Variants in FAM124A observed in about 807,000 individuals in gnomAD.
The protein encoded by FAM124A is family with sequence similarity 124 member A.
Under a neutral mutation model 24.5 loss-of-function variants are expected in FAM124A, and 23 were observed. That is an observed-to-expected ratio of 0.94 (90% CI 0.68 to 1.33). The LOEUF is 1.33. FAM124A is among the 40% of genes most tolerant of loss of function. FAM124A has a pLI of 0.00. For synonymous variants in FAM124A, 287 were observed against 314.7 expected (o/e 0.91, Z 0.93); for missense variants, 623 against 722.8 (o/e 0.86, Z 1.58).
At chr13:51,276,670 A>C (rs1954888406) in intron 3 of FAM124A, among the ~76,000 whole-genome samples, 1 of 152,212 alleles carries the variant, frequency 6.6e-6, no homozygotes, top group Non-Finnish European at 1.5e-5. Flanking sequence ...AAACCACCCA[A>C]AGGAAAGGGA....
rs553900129 is a variant in FAM124A, at chr13:51,270,734, C to A, written c.835-9716C>A. The stretch of plus-strand genomic sequence containing the variant: ...TGTTTAGAATCTACAATGGCCATGA[C>A]GTCCATGTATTCTGAGGAAGGCTGG... On this transcript the variant is annotated intron_variant, in intron 3 of 3. Transcript: ENST00000322475. Among the ~76,000 whole-genome samples, 51 of 152,228 alleles carry A rather than the reference C, an allele frequency of 3.4e-4. 1 individual carries two copies. The highest frequency in any genetic ancestry group is 8.8e-5 in the Non-Finnish European group (6 of 68,034).
intron 2 of FAM124A, among the ~76,000 whole-genome samples, chr13:51,235,520 T>C (rs1414054926): frequency 2.0e-5 from 3 of 152,230 alleles, no homozygotes; most frequent in African/African-American, 7.2e-5. Flanking sequence ...TTAAAAATTA[T>C]ATTTTTAGGA....
At chr13:51,241,410 A>G (rs1593591278) in intron 2 of FAM124A, among the ~76,000 whole-genome samples, 1 of 152,198 alleles carries the variant, frequency 6.6e-6, no homozygotes, top group African/African-American at 2.4e-5. Context: ...AGGACAAGCT[A>G]TGTCTCCTCT....
At position 51,282,225 on chromosome 13, in the gene FAM124A, T is replaced by C. The variant is rs1258311073; in HGVS notation, c.*969T>C. 6.6e-6 allele frequency: 1 copy of C among 152,204 alleles called. No individual in the cohort carries two copies. The highest frequency in any genetic ancestry group is 1.5e-5 in the Non-Finnish European group (1 of 68,042). 9.4% of individuals were successfully genotyped at this position (152,204 alleles called of 1,614,324 possible). On this transcript the variant is annotated 3_prime_UTR_variant, in exon 4 of 4. Transcript: ENST00000322475. The stretch of plus-strand genomic sequence containing the variant: ...ACCATGCTGGGTCACGCATCCTATG[T>C]TTCTCATTTTTAAATGATTTGGAAC...
At chr13:51,271,786 T>C (rs1954842529) in intron 3 of FAM124A, among the ~76,000 whole-genome samples, 1 of 152,190 alleles carries the variant, frequency 6.6e-6, no homozygotes, top group East Asian at 1.9e-4. Context: ...CTGATTCTAA[T>C]GACGGTGTGG....
chr13:51,253,543 A>G (rs1269442981), intron 3 of FAM124A: 2 of 152,240 alleles, frequency 1.3e-5, no homozygotes, highest in Non-Finnish European at 2.9e-5. Flanking sequence ...TATGCAAAAT[A>G]TAATACAGTT....
chr13:51,274,172 T>C (rs1954864635), intron 3 of FAM124A, among the ~76,000 whole-genome samples: 1 of 152,222 alleles, frequency 6.6e-6, no homozygotes, highest in African/African-American at 2.4e-5. Context: ...CTAGAACTTC[T>C]AGGTGCCCAG....
intron 2 of FAM124A, among the ~76,000 whole-genome samples, chr13:51,247,792 T>A (rs1195085963): frequency 6.6e-6 from 1 of 152,222 alleles, no homozygotes; most frequent in Non-Finnish European, 1.5e-5. Context: ...ATTTAGATGA[T>A]GTGGTATTTT....
intron 2 of FAM124A, among the ~76,000 whole-genome samples, chr13:51,238,256 G>T (rs932595317): frequency 2.0e-5 from 3 of 152,172 alleles, no homozygotes; most frequent in Admixed American, 6.5e-5. Flanking sequence ...GCTGCTCAGA[G>T]TGTGGTCCAG....
intron 1 of FAM124A, among the ~76,000 whole-genome samples, chr13:51,230,075 T>TTATATATATATATATATATATATATA (rs5803560): frequency 1.3e-5 from 2 of 150,918 alleles, no homozygotes; most frequent in African/African-American, 4.9e-5. Flanking sequence ...AAATATTGAA[T>TTATATATATATATATATATATATATA]TATATATATA....
Position 51,283,711 on chromosome 13 carries a change from G to C in FAM124A, c.*2455G>C, listed in dbSNP as rs911012898. ...AGGAGAAAAATAATTCAGAGGTGAT[G>C]ATACCACCTCCAATGAACAGGGAAG... On this transcript the variant is annotated 3_prime_UTR_variant, in exon 4 of 4. Transcript: ENST00000322475. 1 of 122,728 alleles carries C rather than the reference G, an allele frequency of 8.1e-6. No homozygotes were observed. The highest frequency in any genetic ancestry group is 1.1e-4 in the Admixed American group (1 of 8,920). The allele number at this position is 122,728 out of a possible 1,614,324, so 7.6% of individuals were successfully genotyped here. A position where few individuals can be genotyped will look rare whatever the true frequency, so the allele number is the denominator to read the frequency against.
Position 51,248,222 on chromosome 13 carries a change from C to T in FAM124A, c.101-3246C>T, listed in dbSNP as rs138841773. On this transcript the variant is annotated intron_variant, in intron 2 of 3. Coordinates refer to ENST00000322475, the MANE Select transcript of FAM124A (RefSeq NM_001242312.2). ...TGTCTTTTCCCACAAATCTGCCCTTCTTCCTCTATTTCCTATTTCAGTTAA... is the reference window on the plus strand; with the variant it reads ...TGTCTTTTCCCACAAATCTGCCCTTTTTCCTCTATTTCCTATTTCAGTTAA... Among the ~76,000 whole-genome samples, 767 of 152,290 alleles carry T rather than the reference C, an allele frequency of 5.0e-3. 6 individuals are homozygous for T. The highest frequency in any genetic ancestry group is 0.018 in the African/African-American group (728 of 41,556).
rs368495870 is a variant in FAM124A at position 51,279,469 on chromosome 13, C to T, written c.835-981C>T. On this transcript the variant is annotated intron_variant, in intron 3 of 3. Transcript: ENST00000322475. ...TAATATATACTAAGTCAAGCCAGAC[C>T]GACTGCCCCCAAACCCATTATTTAA... Among the ~76,000 whole-genome samples, 16 of 152,254 alleles carry T rather than the reference C, an allele frequency of 1.1e-4. No individual in the cohort carries two copies. The East Asian group carries it at 2.1e-3, about 20-fold the overall frequency.
chr13:51,281,913 G>T lies in FAM124A; in HGVS notation c.*657G>T, dbSNP rs573440821. On this transcript the variant is annotated 3_prime_UTR_variant, in exon 4 of 4. Coordinates refer to ENST00000322475, the MANE Select transcript of FAM124A (RefSeq NM_001242312.2). ...AATGTGTTTCATAAAGATTTAGCAT[G>T]AGTAACAGACTCTTGGTGCATTTAA... 1 of 152,196 alleles carries T rather than the reference G, an allele frequency of 6.6e-6. No individual in the cohort carries two copies. The highest frequency in any genetic ancestry group is 1.5e-5 in the Non-Finnish European group (1 of 68,034). 9.4% of individuals were successfully genotyped at this position (152,196 alleles called of 1,614,324 possible).
intron 1 of FAM124A, among the ~76,000 whole-genome samples, chr13:51,223,658 G>T (rs569337614): frequency 2.6e-4 from 40 of 152,232 alleles, no homozygotes; most frequent in African/African-American, 9.4e-4. Flanking sequence ...GCCCAAATGC[G>T]GGACTTTACT....
At chr13:51,247,872 G>C (rs138105102) in intron 2 of FAM124A, among the ~76,000 whole-genome samples, 285 of 152,232 alleles carry the variant, frequency 1.9e-3, no homozygotes, top group African/African-American at 6.4e-3. Flanking sequence ...TGCGTCAACT[G>C]TACTTCTGCC....
chr13:51,231,950 CA>C (rs1345392552), intron 2 of FAM124A, among the ~76,000 whole-genome samples: 1 of 152,094 alleles, frequency 6.6e-6, no homozygotes, highest in Admixed American at 6.5e-5. Context: ...ACATATGTAC[CA>C]ATACGTATGC....
In FAM124A at chr13:51,225,976, C is replaced by CTTTTTTTTT. The variant is rs780570797; in HGVS notation, c.68+3434_68+3442dup. Reference sequence around the variant, plus strand: ...ATCTGTAATGTTGCTTGCTTGCTTTCTTTTTTTTTTTTTTTTTTTTTTTTT... The same window carrying CTTTTTTTTT: ...ATCTGTAATGTTGCTTGCTTGCTTTCTTTTTTTTTTTTTTTTTTTTTTTTTTTTTTTTTT... On this transcript the variant is annotated intron_variant, in intron 1 of 3. Coordinates refer to ENST00000322475, the MANE Select transcript of FAM124A (RefSeq NM_001242312.2). Among the ~76,000 whole-genome samples the CTTTTTTTTT allele has an allele frequency of 3.3e-4, 22 of 67,580 alleles. 2 individuals are homozygous for CTTTTTTTTT. The highest frequency in any genetic ancestry group is 6.7e-4 in the African/African-American group (9 of 13,376). The allele number at this position is 67,580 out of a possible 152,430, so 44.3% of individuals were successfully genotyped here. A position where few individuals can be genotyped will look rare whatever the true frequency, so the allele number is the denominator to read the frequency against.
rs995401889 is a variant in FAM124A, at chr13:51,281,372, G to C, written c.*116G>C. The C allele has an allele frequency of 9.1e-7, 1 of 1,095,832 alleles. No individual in the cohort carries two copies. Among genetic ancestry groups the C allele is most frequent in the Non-Finnish European group, 1.3e-6 (1 of 798,430 alleles). The allele number at this position is 1,095,832 out of a possible 1,614,324, so 67.9% of individuals were successfully genotyped here. A position where few individuals can be genotyped will look rare whatever the true frequency, so the allele number is the denominator to read the frequency against. Reference sequence around the variant, plus strand: ...TTCATGATCCATTTCCCAGGAGCCCGTAGCACATTTGCCTACCACCCACTC... The same window carrying C: ...TTCATGATCCATTTCCCAGGAGCCCCTAGCACATTTGCCTACCACCCACTC... On this transcript the variant is annotated 3_prime_UTR_variant, in exon 4 of 4. Coordinates refer to ENST00000322475, the MANE Select transcript of FAM124A (RefSeq NM_001242312.2).
Sources: allele counts gnomAD v4.1 joint callset (sites outside exome capture counted in the v4.1 genomes callset), GRCh38; gene constraint gnomAD v4.1.1; transcripts MANE v1.5; gene names NCBI Gene and HGNC (gene_info 2026-07-23, HGNC 2026-07-21).